RAB6A: variants seen among roughly 807,000 people sequenced by gnomAD.
RAB6A encodes RAB6A, member RAS oncogene family, also known as ras-related protein Rab-6A.
Under a neutral mutation model 32.3 loss-of-function variants are expected in RAB6A, and 8 were observed. The ratio of observed to expected loss-of-function variants is 0.25; its 90% CI spans 0.15 to 0.45. The LOEUF (loss-of-function observed/expected upper bound fraction) is 0.45, where lower values mean the gene tolerates loss of function less well. Among genes scored for constraint, RAB6A ranks in the 20% least tolerant of loss-of-function variants. The probability of loss-of-function intolerance (pLI) is 1.00; values close to 1 mark genes in which losing one functional copy is unlikely to be tolerated. For synonymous variants in RAB6A, 73 were observed against 82.1 expected (o/e 0.89, Z 0.60); for missense variants, 104 against 249.4 (o/e 0.42, Z 3.93).
intron 7 of RAB6A, among the ~76,000 whole-genome samples, chr11:73,678,616 CA>C (rs1215968070): frequency 5.7e-5 from 8 of 141,198 alleles, no homozygotes; most frequent in Non-Finnish European, 1.1e-4. Context: ...GACTCCATCT[CA>C]AAAAAAAACG....
intron 6 of RAB6A, among the ~76,000 whole-genome samples, chr11:73,684,046 AT>A (rs1945401152): frequency 6.6e-6 from 1 of 152,238 alleles, no homozygotes; most frequent in Admixed American, 6.5e-5. Context: ...GTCAGCAGAC[AT>A]TAACATCAAG....
At chr11:73,697,249 C>G (rs1945668642) in intron 6 of RAB6A, among the ~76,000 whole-genome samples, 2 of 152,146 alleles carry the variant, frequency 1.3e-5, no homozygotes, top group Admixed American at 6.5e-5. Context: ...GCTTTCCCTC[C>G]TTTTATAAGA....
intron 1 of RAB6A, among the ~76,000 whole-genome samples, chr11:73,757,175 A>G (rs1466568780): frequency 9.9e-6 from 1 of 101,480 alleles, no homozygotes; most frequent in Non-Finnish European, 1.8e-5. Flanking sequence ...ACAGAGTCTC[A>G]CTCTGTCACC....
At chr11:73,735,896 G>C (rs1402626105) in intron 1 of RAB6A, among the ~76,000 whole-genome samples, 1 of 122,856 alleles carries the variant, frequency 8.1e-6, no homozygotes, top group African/African-American at 3.1e-5. Context: ...TGAGGAGGCA[G>C]TTTCTGGAAT....
intron 2 of RAB6A, among the ~76,000 whole-genome samples, chr11:73,728,610 A>AAATAATAATAATAATAATAATAATAAT (rs71065031): frequency 1.2e-3 from 168 of 136,468 alleles, no homozygotes; most frequent in Middle Eastern, 3.6e-3. Flanking sequence ...GTCTTTGTTT[A>AAATAATAATAATAATAATAATAATAAT]AATAATAATA....
intron 6 of RAB6A, among the ~76,000 whole-genome samples, chr11:73,697,676 A>T (rs1244857492): frequency 6.6e-6 from 1 of 152,244 alleles, no homozygotes; most frequent in South Asian, 2.1e-4. Flanking sequence ...TAGAATCTAT[A>T]ACCTCCTTAA....
intron 2 of RAB6A, among the ~76,000 whole-genome samples, chr11:73,728,759 G>GT: frequency 6.6e-6 from 1 of 151,916 alleles, no homozygotes; most frequent in Middle Eastern, 3.4e-3. Flanking sequence ...TTGGTCTGTA[G>GT]TTTAATTTTG....
intron 6 of RAB6A, among the ~76,000 whole-genome samples, chr11:73,688,897 G>A (rs538949136): frequency 3.3e-5 from 5 of 152,286 alleles, no homozygotes; most frequent in African/African-American, 7.2e-5. Flanking sequence ...TTGGGAAGCC[G>A]AGGTGGTTGG....
intron 1 of RAB6A, among the ~76,000 whole-genome samples, chr11:73,733,854 T>C (rs1263321367): frequency 6.6e-6 from 1 of 152,104 alleles, no homozygotes; most frequent in Non-Finnish European, 1.5e-5. Flanking sequence ...GTATTAATCA[T>C]TACAAAGGTG....
chr11:73,686,476 C>A (rs955809305), intron 6 of RAB6A, among the ~76,000 whole-genome samples: 15 of 152,072 alleles, frequency 9.9e-5, no homozygotes, highest in African/African-American at 3.6e-4. Context: ...ATCGCTTGAA[C>A]CCGGGAGGCG....
chr11:73,710,134 GTTT>G (rs60147602), intron 5 of RAB6A, among the ~76,000 whole-genome samples: 3 of 140,032 alleles, frequency 2.1e-5, no homozygotes, highest in Admixed American at 1.4e-4. Context: ...AATTTTTTGT[GTTT>G]TTTTTTTTTT....
intron 6 of RAB6A, 32 bp from the exon 7 acceptor site, chr11:73,679,752 A>AG: frequency 6.2e-7 from 1 of 1,612,602 alleles, no homozygotes. Flanking sequence ...GATAACTGAG[A>AG]GGGAACATTT....
chr11:73,727,773 T>C (rs1416320429), intron 2 of RAB6A, among the ~76,000 whole-genome samples: 1 of 152,096 alleles, frequency 6.6e-6, no homozygotes, highest in Non-Finnish European at 1.5e-5. Context: ...TTCTGAAAAA[T>C]AAAAATGGTT....
chr11:73,754,452 T>C (rs1288257530), intron 1 of RAB6A, among the ~76,000 whole-genome samples: 1 of 152,152 alleles, frequency 6.6e-6, no homozygotes, highest in Admixed American at 6.6e-5. Flanking sequence ...TATTGTGGAG[T>C]TTCCCCGTGC....
chr11:73,739,284 A>AATATATATATATATATATATATATATAT (rs1555066941), intron 1 of RAB6A, among the ~76,000 whole-genome samples: 2 of 6,762 alleles, frequency 3.0e-4, no homozygotes, highest in African/African-American at 6.5e-4. Flanking sequence ...AAAAAAAAAA[A>AATATATATATATATATATATATATATAT]ATATATATAT....
At chr11:73,714,596 A>C (rs890343045) in intron 5 of RAB6A, among the ~76,000 whole-genome samples, 17 of 151,752 alleles carry the variant, frequency 1.1e-4, no homozygotes, top group African/African-American at 3.9e-4. Context: ...TGGGAGGCAG[A>C]GGTTGCAGTG....
At position 73,760,226 on chromosome 11, in the gene RAB6A, G is replaced by A. The variant is rs943045346; in HGVS notation, c.70+340C>T. On this transcript the variant is annotated intron_variant, in intron 1 of 7. Coordinates refer to ENST00000336083, the MANE Select transcript of RAB6A (RefSeq NM_198896.2). ...GGAATAAGGGTGGGGCTCAAGAAAG[G>A]GGGCCGGGGTACGGGCAATGACCGA... is the stretch of plus-strand genomic sequence containing the variant. 2.5e-5 allele frequency: 20 copies of A among 791,350 alleles called. No individual in the cohort carries two copies. The African/African-American group carries it at 3.2e-4, about 13-fold the overall frequency. 49.0% of individuals were successfully genotyped at this position (791,350 alleles called of 1,614,324 possible).
chr11:73,692,761 G>T (rs1276907269), intron 6 of RAB6A, among the ~76,000 whole-genome samples: 1 of 134,944 alleles, frequency 7.4e-6, no homozygotes, highest in African/African-American at 2.7e-5. Flanking sequence ...TGGCTAACAC[G>T]GTGAAACCCT....
At chr11:73,679,351 C>G (rs1052973193) in intron 7 of RAB6A, among the ~76,000 whole-genome samples, 2 of 152,102 alleles carry the variant, frequency 1.3e-5, no homozygotes, top group Non-Finnish European at 2.9e-5. Flanking sequence ...AGGAAAAAGC[C>G]TAGAGTCAAT....
Sources: gnomAD v4.1 joint callset for allele counts (sites outside exome capture counted in the v4.1 genomes callset) on GRCh38, gnomAD v4.1.1 for gene constraint, MANE v1.5 for transcripts, NCBI Gene and HGNC (gene_info 2026-07-23, HGNC 2026-07-21) for gene names.